POLM: variants seen among roughly 807,000 people sequenced by gnomAD.
POLM encodes the protein DNA polymerase mu.
A neutral mutation model predicts 56.7 loss-of-function variants in POLM; 52 were observed. The observed-to-expected ratio is 0.92, with a 90% CI of 0.73 to 1.15. The LOEUF is 1.15. POLM is among the 50% of genes most tolerant of loss of function. POLM has a pLI of 0.00. For synonymous variants in POLM, 273 were observed against 274.3 expected, an observed-to-expected ratio of 1.00 and a Z score of 0.05; for missense variants, 660 against 663.6, an observed-to-expected ratio of 0.99 and a Z score of 0.06.
Position 44,073,311 on chromosome 7 carries a change from G to C in POLM, c.1465C>G (p.Pro489Ala). Residue 489 changes from proline to alanine, a missense_variant, in exon 11 of 11, where the codon CCA becomes GCA. Physicochemically the swap from Pro to Ala is conservative, Grantham distance 27. Coordinates refer to ENST00000242248, the MANE Select transcript of POLM (RefSeq NM_013284.4). ...CAGGCTCAGGCGTTTCTCTGCTCTG[G>C]AGGAAGGTACTCAAGGCCCAGGTGT... Reference protein sequence around the residue: ...FRHLGLEYLPPEQRNA With the variant: ...FRHLGLEYLPAEQRNA 6.2e-7 allele frequency: 1 copy of C among 1,614,202 alleles called. No individual in the cohort carries two copies. The highest frequency in any genetic ancestry group is 8.5e-7 in the Non-Finnish European group (1 of 1,180,012).
At chr7:44,080,289 A>G (rs942466899) in intron 2 of POLM, 1 of 535,120 alleles carries the variant, frequency 1.9e-6, no homozygotes, top group Middle Eastern at 4.6e-4. Context: ...CTTGGAGGCT[A>G]GGGGCTTGCC....
At chr7:44,078,058 G>A (rs915065670) in intron 5 of POLM, among the ~76,000 whole-genome samples, 1 of 152,262 alleles carries the variant, frequency 6.6e-6, no homozygotes, top group African/African-American at 2.4e-5. Context: ...TCCTGCAGAA[G>A]GCGGGCAAGG....
rs770633203 is a variant in POLM, at chr7:44,079,876, G to C, written c.456C>G (p.His152Gln). The part of the protein sequence containing the change: ...ACQRPTPLTH[H>Q]NTGLSEALEI... ...AGCGGCTTACGGAGAGGCCAGTGTT[G>C]TGGTGTGTGAGGGGCGTAGGGCGCT... Residue 152 changes from histidine to glutamine, a missense_variant, in exon 3 of 11, where the codon CAC becomes CAG. Transcript: ENST00000242248. 1.2e-6 allele frequency: 2 copies of C among 1,614,140 alleles called. No homozygotes were observed. The highest frequency in any genetic ancestry group is 1.7e-6 in the Non-Finnish European group (2 of 1,179,968).
intron 8 of POLM, 32 bp from the exon 9 acceptor site, chr7:44,074,057 T>C (rs3218661): frequency 0.24 from 384,579 of 1,608,578 alleles, 48,427 homozygotes; most frequent in African/African-American, 0.41. Context: ...GCTGAGACCA[T>C]CCGGTGGTGT....
intron 6 of POLM, chr7:44,076,139 C>A (rs918006424): frequency 1.8e-4 from 31 of 172,416 alleles, no homozygotes; most frequent in East Asian, 8.3e-4. Context: ...CAAACCCAGG[C>A]CTAACAAACT....
At chr7:44,073,761 G>A (rs775041663) in intron 9 of POLM, 22 bp downstream of exon 9, 18 of 1,613,884 alleles carry the variant, frequency 1.1e-5, no homozygotes, top group Admixed American at 6.7e-5. Flanking sequence ...ACCCCCAGGC[G>A]GCCCAGCGGC....
At chr7:44,080,647 G>T in intron 2 of POLM, 86 bp downstream of exon 2, 1 of 1,379,142 alleles carries the variant, frequency 7.3e-7, no homozygotes, top group South Asian at 1.2e-5. Flanking sequence ...TTGAGGCATT[G>T]CTGCCATGTC....
At chr7:44,081,008 A>G in intron 1 of POLM, 92 bp from the exon 2 acceptor site, 1 of 1,090,338 alleles carries the variant, frequency 9.2e-7, no homozygotes, top group Non-Finnish European at 1.3e-6. Flanking sequence ...TCCCTTCTGC[A>G]TGGTAAGTGA....
At chr7:44,074,285 C>A (rs374706297) in intron 7 of POLM, 52 bp from the exon 8 acceptor site, 113 of 1,542,500 alleles carry the variant, frequency 7.3e-5, no homozygotes, top group Non-Finnish European at 9.4e-5. Context: ...CTCACTCCAG[C>A]CCCAGGCCAC....
chr7:44,077,554 T>C (rs2096187151), intron 5 of POLM, among the ~76,000 whole-genome samples: 1 of 152,204 alleles, frequency 6.6e-6, no homozygotes, highest in East Asian at 1.9e-4. Context: ...TCTGCCAGCC[T>C]AGATGCCTTC....
intron 10 of POLM, 104 bp from the exon 11 acceptor site, chr7:44,073,481 C>A: frequency 6.3e-7 from 1 of 1,579,762 alleles, no homozygotes; most frequent in Middle Eastern, 2.1e-4. Flanking sequence ...GTGGGGTGTG[C>A]TCTTGAGGGC....
At chr7:44,076,811 C>T (rs559696232) in intron 5 of POLM, 182 bp from the exon 6 acceptor site, 134 of 682,644 alleles carry the variant, frequency 2.0e-4, no homozygotes, top group Non-Finnish European at 2.9e-4. Flanking sequence ...CCCAGCCTGC[C>T]GTCTCTGGGA....
chr7:44,074,223 G>T lies in POLM; in HGVS notation c.979C>A (p.Gln327Lys). 6.3e-7 allele frequency: 1 copy of T among 1,582,740 alleles called. No individual in the cohort carries two copies. The highest frequency in any genetic ancestry group is 1.8e-5 in the Admixed American group (1 of 54,720). Reference sequence around the variant, plus strand: ...ATGAGGAAGTCCACGTCATGGCCCTGCAACTTCCCCCTGAGGGCGTCAGTC... The same window carrying T: ...ATGAGGAAGTCCACGTCATGGCCCTTCAACTTCCCCCTGAGGGCGTCAGTC... ...LTGGFRRGKL[Q>K]GHDVDFLITH... The change falls in exon 8 of 11, where the codon CAG (glutamine) becomes AAG (lysine). Residue 327 changes from glutamine (Q) to lysine (K), a missense_variant. Transcript: ENST00000242248.
At chr7:44,082,156 G>A (rs892916720) in intron 1 of POLM, 95 bp downstream of exon 1, 2 of 1,078,860 alleles carry the variant, frequency 1.9e-6, no homozygotes, top group African/African-American at 3.4e-5. Flanking sequence ...TGGAGGCTCA[G>A]GGAAAGGTCA....
chr7:44,075,188 T>C (rs2096180175), intron 6 of POLM, among the ~76,000 whole-genome samples: 1 of 152,156 alleles, frequency 6.6e-6, no homozygotes, highest in South Asian at 2.1e-4. Flanking sequence ...GTAGCTGAGA[T>C]TACGGGTGTC....
At position 44,079,695 on chromosome 7, in the gene POLM, T is replaced by G; in HGVS notation, c.518A>C (p.Glu173Ala). 1 of 1,612,466 alleles carries G rather than the reference T, an allele frequency of 6.2e-7. No individual in the cohort carries two copies. The highest frequency in any genetic ancestry group is 1.7e-5 in the Admixed American group (1 of 59,906). The change falls in exon 4 of 11, where the codon GAG (glutamate) becomes GCG (alanine). Residue 173 changes from glutamate to alanine, a missense_variant. Transcript: ENST00000242248. ...TCTGCAGAAGGTGAGGAGGCGGCCC[T>G]CACTGCCTTCAAAGCCTGCTGCCTC... ...LAEAAGFEGS[E>A]GRLLTFCRAA...
intron 1 of POLM, among the ~76,000 whole-genome samples, chr7:44,081,799 G>C (rs938161810): frequency 6.7e-6 from 1 of 149,158 alleles, no homozygotes; most frequent in Admixed American, 6.7e-5. Flanking sequence ...AGGCTGGAGT[G>C]CAGTGGCGCG....
At chr7:44,076,655 TG>T (rs772627508) in intron 5 of POLM, 26 bp from the exon 6 acceptor site, 2 of 1,612,372 alleles carry the variant, frequency 1.2e-6, no homozygotes, top group Non-Finnish European at 1.7e-6. Context: ...GTAGCCCGGT[TG>T]GGCAGAGCTC....
At chr7:44,078,682 T>C (rs2096190496) in intron 5 of POLM, 58 bp downstream of exon 5, 5 of 1,474,616 alleles carry the variant, frequency 3.4e-6, no homozygotes, top group Non-Finnish European at 4.7e-6. Flanking sequence ...GTGTGGACTG[T>C]GTTGTCATTC....
Sources: gnomAD v4.1 joint callset for allele counts (sites outside exome capture counted in the v4.1 genomes callset) on GRCh38, gnomAD v4.1.1 for gene constraint, MANE v1.5 for transcripts, NCBI Gene and HGNC (gene_info 2026-07-23, HGNC 2026-07-21) for gene names.